Variants in CSMD1 observed in about 807,000 individuals in gnomAD.
The protein encoded by CSMD1 is CUB and sushi domain-containing protein 1.
CSMD1 carries 213 observed loss-of-function variants against 417.5 expected under a neutral mutation model. The ratio of observed to expected loss-of-function variants is 0.51; its 90% CI spans 0.46 to 0.57. CSMD1 has a LOEUF of 0.57. Among genes scored for constraint, CSMD1 ranks in the 20% least tolerant of loss-of-function variants. The pLI, the probability that CSMD1 is intolerant of heterozygous loss-of-function variation, is 0.00. For synonymous variants in CSMD1, 2,862 were observed against 1,736.8 expected (o/e 1.65, Z -16.11); for missense variants, 6,923 against 4,529.7 (o/e 1.53, Z -15.17).
chr8:2,986,566 G>A (rs767508284), intron 54 of CSMD1, among the ~76,000 whole-genome samples: 7 of 151,878 alleles, frequency 4.6e-5, no homozygotes, highest in East Asian at 1.9e-4. Context: ...GTGCAATGGC[G>A]CGATCTCAGC....
chr8:3,175,483 T>TCCTTCCTGCCTGCCTGCCTG (rs1182066839), intron 37 of CSMD1, among the ~76,000 whole-genome samples: 27 of 121,662 alleles, frequency 2.2e-4, no homozygotes, highest in African/African-American at 4.3e-4. Context: ...TTCCCTTCCT[T>TCCTTCCTGCCTGCCTGCCTG]CCTGCCTGCC....
chr8:4,979,911 G>T, intron 1 of CSMD1, among the ~76,000 whole-genome samples: 1 of 152,034 alleles, frequency 6.6e-6, no homozygotes, highest in East Asian at 1.9e-4. Flanking sequence ...GAAGGTGGGC[G>T]CCAGTACTCC....
At position 3,884,340 on chromosome 8, in the gene CSMD1, T is replaced by A. The variant is rs371453113; in HGVS notation, c.818+113563A>T. 7.9e-4 allele frequency among the ~76,000 whole-genome samples: 121 copies of A among 152,318 alleles called. 1 individual carries two copies. Among genetic ancestry groups the A allele is most frequent in the African/African-American group, 2.9e-3 (119 of 41,582 alleles). ...GTGCAATATACAAACTTGCATAAAG[T>A]AATCAACTGATTCCCTAGAGAACTG... is the stretch of plus-strand genomic sequence containing the variant. On this transcript the variant is annotated intron_variant, in intron 5 of 69. Coordinates refer to ENST00000635120, the MANE Select transcript of CSMD1 (RefSeq NM_033225.6).
chr8:4,262,009 C>G (rs1032718095), intron 3 of CSMD1, among the ~76,000 whole-genome samples: 7 of 152,124 alleles, frequency 4.6e-5, no homozygotes, highest in Admixed American at 3.9e-4. Context: ...AATTCTGAGA[C>G]TGCTTAATCT....
At chr8:4,380,190 A>T (rs1373967634) in intron 3 of CSMD1, among the ~76,000 whole-genome samples, 2 of 152,186 alleles carry the variant, frequency 1.3e-5, no homozygotes, top group Non-Finnish European at 2.9e-5. Context: ...GAGGGCTCCC[A>T]GTTACTTCTT....
chr8:4,900,950 C>A (rs932363145), intron 1 of CSMD1, among the ~76,000 whole-genome samples: 1 of 152,180 alleles, frequency 6.6e-6, no homozygotes, highest in Non-Finnish European at 1.5e-5. Context: ...ACAGTGCGGC[C>A]ACATGGCAAG....
chr8:3,863,307 G>C (rs962090738), intron 5 of CSMD1, among the ~76,000 whole-genome samples: 4 of 149,806 alleles, frequency 2.7e-5, no homozygotes, highest in African/African-American at 9.9e-5. Context: ...TGAGGCAGGA[G>C]AATCGCTTGA....
At chr8:4,605,788 C>A (rs1487547341) in intron 2 of CSMD1, among the ~76,000 whole-genome samples, 2 of 152,154 alleles carry the variant, frequency 1.3e-5, no homozygotes, top group African/African-American at 4.8e-5. Context: ...CTCACCGGTC[C>A]AATGCTCTCA....
At chr8:4,514,481 G>T (rs1177394628) in intron 2 of CSMD1, among the ~76,000 whole-genome samples, 3 of 152,104 alleles carry the variant, frequency 2.0e-5, no homozygotes, top group Non-Finnish European at 4.4e-5. Flanking sequence ...TGATTCTCCA[G>T]GTGACGCACA....
chr8:4,176,578 T>G (rs1013921142), intron 3 of CSMD1, among the ~76,000 whole-genome samples: 9 of 150,938 alleles, frequency 6.0e-5, no homozygotes, highest in Non-Finnish European at 1.2e-4. Context: ...AGAAGTACCC[T>G]CTAGTAGAAG....
At chr8:3,666,270 T>C (rs914882451) in intron 7 of CSMD1, among the ~76,000 whole-genome samples, 17 of 108,004 alleles carry the variant, frequency 1.6e-4, no homozygotes, top group Non-Finnish European at 3.4e-4. Context: ...ACAGGTCTTA[T>C]CTTTTCTTTA....
chr8:3,066,203 A>G (rs1327417211), intron 49 of CSMD1, among the ~76,000 whole-genome samples: 1 of 152,218 alleles, frequency 6.6e-6, no homozygotes, highest in African/African-American at 2.4e-5. Flanking sequence ...ACTCCGCTTC[A>G]TTAACTTTTC....
At chr8:4,993,337 A>C (rs1811576271) in intron 1 of CSMD1, among the ~76,000 whole-genome samples, 3 of 148,908 alleles carry the variant, frequency 2.0e-5, no homozygotes, top group Admixed American at 6.7e-5. Flanking sequence ...GCTAAAAATG[A>C]GGACAGGGGC....
At chr8:3,216,957 A>T (rs1797916286) in intron 29 of CSMD1, among the ~76,000 whole-genome samples, 1 of 152,140 alleles carries the variant, frequency 6.6e-6, no homozygotes, top group African/African-American at 2.4e-5. Flanking sequence ...AGATGCAATC[A>T]CTGCCCTAGG....
At chr8:3,271,062 A>C (rs563050449) in intron 26 of CSMD1, among the ~76,000 whole-genome samples, 6 of 147,214 alleles carry the variant, frequency 4.1e-5, no homozygotes, top group East Asian at 2.1e-4. Context: ...ATATCTCCCA[A>C]TGCTGTCCTT....
At chr8:3,985,121 A>G (rs576278570) in intron 5 of CSMD1, among the ~76,000 whole-genome samples, 1 of 152,132 alleles carries the variant, frequency 6.6e-6, no homozygotes, top group East Asian at 1.9e-4. Context: ...GAATTACACC[A>G]TAGATCATGT....
chr8:3,081,729 T>C (rs1279009627), intron 49 of CSMD1, among the ~76,000 whole-genome samples: 1 of 152,212 alleles, frequency 6.6e-6, no homozygotes, highest in East Asian at 1.9e-4. Context: ...GCAGATAGTC[T>C]TTCTTTAATT....
intron 1 of CSMD1, among the ~76,000 whole-genome samples, chr8:4,842,752 A>G (rs773389537): frequency 5.3e-5 from 8 of 152,252 alleles, no homozygotes; most frequent in African/African-American, 9.6e-5. Context: ...TTATTATGCT[A>G]GCATTGAAAA....
At chr8:3,252,985 C>T (rs767186726) in intron 26 of CSMD1, among the ~76,000 whole-genome samples, 2 of 152,068 alleles carry the variant, frequency 1.3e-5, no homozygotes, top group African/African-American at 2.4e-5. Flanking sequence ...AGCAGTCTAT[C>T]AATTTTGTTG....
Sources: allele counts gnomAD v4.1 joint callset (sites outside exome capture counted in the v4.1 genomes callset), GRCh38; gene constraint gnomAD v4.1.1; transcripts MANE v1.5; gene names NCBI Gene and HGNC (gene_info 2026-07-23, HGNC 2026-07-21).